Variants in MCM8 observed in about 807,000 individuals in gnomAD.
The protein encoded by MCM8 is minichromosome maintenance 8 homologous recombination repair factor, also known as DNA helicase MCM8.
In MCM8, 85 loss-of-function variants were observed where a neutral mutation model predicts 98.9. The ratio of observed to expected loss-of-function variants is 0.86; its 90% confidence interval spans 0.72 to 1.03. The LOEUF (loss-of-function observed/expected upper bound fraction) is 1.03, where lower values mean the gene tolerates loss of function less well. MCM8 is among the 50% of genes least tolerant of loss of function. The pLI, the probability that MCM8 is intolerant of heterozygous loss-of-function variation, is 0.00. For synonymous variants in MCM8, 352 were observed against 338.6 expected (o/e 1.04, Z -0.44); for missense variants, 951 against 997.8 (o/e 0.95, Z 0.63).
intron 10 of MCM8, among the ~76,000 whole-genome samples, chr20:5,970,000 T>C (rs1452113661): frequency 2.6e-5 from 4 of 152,190 alleles, no homozygotes; most frequent in Non-Finnish European, 5.9e-5. Context: ...CACAGTTTGC[T>C]TTTTCCCCCT....
intron 7 of MCM8, among the ~76,000 whole-genome samples, chr20:5,960,234 A>T (rs1262752433): frequency 1.3e-5 from 2 of 151,428 alleles, no homozygotes; most frequent in African/African-American, 4.9e-5. Flanking sequence ...TCTTTATCGA[A>T]TTTTCTATTT....
intron 10 of MCM8, 62 bp downstream of exon 10, chr20:5,968,087 C>T: frequency 6.9e-7 from 1 of 1,453,770 alleles, no homozygotes; most frequent in African/African-American, 1.4e-5. Context: ...CTCTTGGCTA[C>T]AGGTAACAAA....
rs533196119 is a variant in MCM8, at chr20:5,976,803, T to G, written c.1396-1073T>G. ...AGCTAAAATGGAGTCTGTCCGGCTCTCTCTCTGCTAGGAGAGAGTCACTCG... is the reference window on the plus strand; with the variant it reads ...AGCTAAAATGGAGTCTGTCCGGCTCGCTCTCTGCTAGGAGAGAGTCACTCG... On this transcript the variant is annotated intron_variant, in intron 12 of 18. Coordinates refer to ENST00000610722, the MANE Select transcript of MCM8 (RefSeq NM_032485.6). Among the ~76,000 whole-genome samples, 199 of 152,192 alleles carry G rather than the reference T, an allele frequency of 1.3e-3. 1 individual carries two copies. The highest frequency in any genetic ancestry group is 1.4e-3 in the Non-Finnish European group (95 of 68,004).
chr20:5,969,651 G>T (rs1423422655), intron 10 of MCM8, among the ~76,000 whole-genome samples: 1 of 151,476 alleles, frequency 6.6e-6, no homozygotes. Flanking sequence ...GCTCAGGTCT[G>T]TAAGAGGATT....
chr20:5,963,910 G>A (rs2122702580), intron 8 of MCM8, among the ~76,000 whole-genome samples: 1 of 152,264 alleles, frequency 6.6e-6, no homozygotes. Context: ...GTGTCCTAAT[G>A]AGAAATAGTT....
In MCM8 at chr20:5,983,148, A is replaced by G. The variant is rs2089662598; in HGVS notation, c.1716A>G (p.Thr572=). 2.0e-5 allele frequency: 33 copies of G among 1,611,144 alleles called. No individual in the cohort carries two copies. Among genetic ancestry groups the G allele is most frequent in the Non-Finnish European group, 2.7e-5 (32 of 1,178,768 alleles). The change falls in exon 14 of 19, where the codon ACA becomes ACG. Residue 572 remains threonine, a synonymous_variant. Transcript: ENST00000610722. ...GAGGACATTACAATAAAGCCAAAAC[A>G]GTTTCTGAGAATTTAAAGTAAGTCT... ...PVGGHYNKAK[T]VSENLKMGSA...
rs2089456644 is a variant in MCM8 at position 5,973,921 on chromosome 20, C to T, written c.1395+725C>T. 2.0e-5 allele frequency among the ~76,000 whole-genome samples: 3 copies of T among 152,062 alleles called. No individual in the cohort carries two copies. In the South Asian group the frequency reaches 6.2e-4, roughly 31 times the overall value. ...CCACCCACCTTAACCTCCCAAAGTG[C>T]TGGGATTACCGGTGTGAGCCACCAC... is the stretch of plus-strand genomic sequence containing the variant. On this transcript the variant is annotated intron_variant, in intron 12 of 18. Coordinates refer to ENST00000610722, the MANE Select transcript of MCM8 (RefSeq NM_032485.6).
Position 5,995,020 on chromosome 20 carries a change from C to G in MCM8, c.*629C>G, listed in dbSNP as rs2089936729. 5.8e-6 allele frequency: 1 copy of G among 172,814 alleles called. No homozygotes were observed. Among genetic ancestry groups the G allele is most frequent in the East Asian group, 1.5e-4 (1 of 6,580 alleles). 10.7% of individuals were successfully genotyped at this position (172,814 alleles called of 1,614,324 possible). On this transcript the variant is annotated 3_prime_UTR_variant, in exon 19 of 19. Coordinates refer to ENST00000610722, the MANE Select transcript of MCM8 (RefSeq NM_032485.6). ...AATTTTTTATAGTTGTATTTTTGAC[C>G]TGCCTTTTATATGTATGAATATTTC... is the stretch of plus-strand genomic sequence containing the variant.
intron 11 of MCM8, 93 bp from the exon 12 acceptor site, chr20:5,972,963 A>G: frequency 7.0e-7 from 1 of 1,435,166 alleles, no homozygotes; most frequent in Admixed American, 2.6e-5. Flanking sequence ...CAATCCCCAA[A>G]CAAATTAATA....
chr20:5,984,789 G>T lies in MCM8; in HGVS notation c.1742G>T (p.Ser581Ile), dbSNP rs952431370. Residue 581 changes from serine (S) to isoleucine (I), a missense_variant, in exon 15 of 19, where the codon AGT (serine) becomes ATT (isoleucine). Physicochemically the swap from Ser to Ile is moderately radical, Grantham distance 142. Coordinates refer to ENST00000610722, the MANE Select transcript of MCM8 (RefSeq NM_032485.6). ...TCTTTCATCCTTCATAGAATGGGGAGTGCACTACTATCCAGATTTGATTTG... is the reference window on the plus strand; with the variant it reads ...TCTTTCATCCTTCATAGAATGGGGATTGCACTACTATCCAGATTTGATTTG... The part of the protein sequence containing the change: ...KTVSENLKMG[S>I]ALLSRFDLVF... 6.2e-7 allele frequency: 1 copy of T among 1,610,020 alleles called. No homozygotes were observed. Among genetic ancestry groups the T allele is most frequent in the Non-Finnish European group, 8.5e-7 (1 of 1,176,440 alleles).
intron 8 of MCM8, among the ~76,000 whole-genome samples, chr20:5,963,684 T>C (rs548493904): frequency 6.6e-6 from 1 of 152,052 alleles, no homozygotes; most frequent in Non-Finnish European, 1.5e-5. Context: ...CCCACCACAA[T>C]GCCTGGCTAA....
intron 17 of MCM8, among the ~76,000 whole-genome samples, chr20:5,992,490 T>C (rs1323555214): frequency 4.6e-5 from 7 of 152,166 alleles, no homozygotes; most frequent in Non-Finnish European, 1.0e-4. Flanking sequence ...ACTGAAAGCA[T>C]TTTTAACAAC....
intron 5 of MCM8, among the ~76,000 whole-genome samples, chr20:5,956,065 C>T (rs1042540552): frequency 1.3e-5 from 2 of 152,156 alleles, no homozygotes; most frequent in African/African-American, 4.8e-5. Context: ...CCTTGCCCGG[C>T]CAAAAACATT....
intron 8 of MCM8, 103 bp from the exon 9 acceptor site, chr20:5,967,333 C>T (rs1338621342): frequency 1.0e-6 from 1 of 960,830 alleles, no homozygotes; most frequent in Non-Finnish European, 1.5e-6. Context: ...ATAAGCAAAT[C>T]TGCTTTTATC....
At position 5,993,602 on chromosome 20, in the gene MCM8, T is replaced by C. The variant is rs117835441; in HGVS notation, c.2337T>C (p.Phe779=). 371 of 1,612,696 alleles carry C rather than the reference T, an allele frequency of 2.3e-4. 11 individuals carry two copies. The East Asian group carries it at 8.2e-3, about 36-fold the overall frequency. ...GCAACAGGTCAACAGCGAAAAGATTTATTTCTGCTCTCAACAACGTTGCTG... is the reference window on the plus strand; with the variant it reads ...GCAACAGGTCAACAGCGAAAAGATTCATTTCTGCTCTCAACAACGTTGCTG... ...GMSNRSTAKR[F]ISALNNVAER... Residue 779 remains phenylalanine (F), a synonymous_variant, in exon 18 of 19, where the codon TTT becomes TTC. Coordinates refer to ENST00000610722, the MANE Select transcript of MCM8 (RefSeq NM_032485.6).
chr20:5,984,917 A>G lies in MCM8; in HGVS notation c.1870A>G (p.Thr624Ala), dbSNP rs2089698940. Residue 624 changes from threonine to alanine, a missense_variant, in exon 15 of 19, where the codon ACA (threonine) becomes GCA (alanine). Thr to Ala is a moderately conservative substitution (Grantham distance 58). Coordinates refer to ENST00000610722, the MANE Select transcript of MCM8 (RefSeq NM_032485.6). ...AGKQRTISSA[T>A]VARMNSQDSN... ...AAAGCAGAGAACCATTAGCAGTGCC[A>G]CAGTAGCTCGTATGAATAGTCAAGA... is the stretch of plus-strand genomic sequence containing the variant. The G allele has an allele frequency of 1.2e-6, 2 of 1,614,170 alleles. No individual in the cohort carries two copies. Among genetic ancestry groups the G allele is most frequent in the Non-Finnish European group, 8.5e-7 (1 of 1,180,016 alleles).
In MCM8 at chr20:5,957,559, C is replaced by T. The variant is rs906319950; in HGVS notation, c.590+330C>T. ...TATCCCTAATCTGAAAATCTGAAAT[C>T]TGAAATGCTCCAAAATTCAAAACTT... is the stretch of plus-strand genomic sequence containing the variant. On this transcript the variant is annotated intron_variant, in intron 6 of 18. Transcript: ENST00000610722. Among the ~76,000 whole-genome samples the T allele has an allele frequency of 2.0e-4, 31 of 152,264 alleles. 1 individual carries two copies. Among genetic ancestry groups the T allele is most frequent in the African/African-American group, 5.1e-4 (21 of 41,552 alleles).
chr20:5,981,844 A>G (rs2089636365), intron 13 of MCM8, among the ~76,000 whole-genome samples: 2 of 152,232 alleles, frequency 1.3e-5, no homozygotes, highest in African/African-American at 4.8e-5. Context: ...CAAAACAAAA[A>G]GATAAGGCTA....
In MCM8 at chr20:5,960,002, A is replaced by G. The variant is rs566465567; in HGVS notation, c.789+1276A>G. On this transcript the variant is annotated intron_variant, in intron 7 of 18. Transcript: ENST00000610722. ...CTGTACTTATTTTTAACTGTATTAG[A>G]TGTTACCAAATTACTTTCCAGAGTA... is the stretch of plus-strand genomic sequence containing the variant. Among the ~76,000 whole-genome samples the G allele has an allele frequency of 5.3e-5, 8 of 152,170 alleles. No individual in the cohort carries two copies. The South Asian group carries it at 1.5e-3, about 28-fold the overall frequency.
Sources: allele counts gnomAD v4.1 joint callset (sites outside exome capture counted in the v4.1 genomes callset), GRCh38; gene constraint gnomAD v4.1.1; transcripts MANE v1.5; gene names NCBI Gene and HGNC (gene_info 2026-07-23, HGNC 2026-07-21).